ZCCHC17: variants seen among roughly 807,000 people sequenced by gnomAD.
The protein encoded by ZCCHC17 is zinc finger CCHC-type containing 17, also known as zinc finger CCHC domain-containing protein 17.
A neutral mutation model predicts 30.6 loss-of-function variants in ZCCHC17; 18 were observed. The ratio of observed to expected loss-of-function variants is 0.59; its 90% CI spans 0.41 to 0.87. The LOEUF (loss-of-function observed/expected upper bound fraction) is 0.87. Among genes scored for constraint, ZCCHC17 ranks in the 40% least tolerant of loss-of-function variants. The pLI is 0.00. For missense variants in ZCCHC17, 263 were observed against 284.2 expected (o/e 0.93, Z 0.54); for synonymous variants, 88 against 92.4 (o/e 0.95, Z 0.27).
intron 5 of ZCCHC17, among the ~76,000 whole-genome samples, chr1:31,346,400 G>C (rs1337282642): frequency 6.6e-6 from 1 of 152,124 alleles, no homozygotes; most frequent in Non-Finnish European, 1.5e-5. Context: ...TTAGCATGTT[G>C]AGTAATTATA....
At chr1:31,297,233 C>T in intron 1 of ZCCHC17, 158 bp downstream of exon 1, 1 of 399,266 alleles carries the variant, frequency 2.5e-6, no homozygotes. Context: ...AGCCTGGGCT[C>T]CCTTTCGGGG....
At chr1:31,302,972 T>C (rs1569725710) in intron 1 of ZCCHC17, among the ~76,000 whole-genome samples, 1 of 152,200 alleles carries the variant, frequency 6.6e-6, no homozygotes, top group South Asian at 2.1e-4. Flanking sequence ...TTTTGAGGTA[T>C]AGTGCTTAAG....
intron 3 of ZCCHC17, among the ~76,000 whole-genome samples, chr1:31,330,466 C>G (rs1367814492): frequency 6.6e-6 from 1 of 152,120 alleles, no homozygotes; most frequent in Non-Finnish European, 1.5e-5. Context: ...GAAGAGCTCC[C>G]TTTGGTGTAG....
chr1:31,317,389 T>A (rs936907234), intron 2 of ZCCHC17, among the ~76,000 whole-genome samples: 1 of 152,204 alleles, frequency 6.6e-6, no homozygotes, highest in African/African-American at 2.4e-5. Flanking sequence ...CTTCAGTGTC[T>A]TAGACTGTAA....
intron 3 of ZCCHC17, among the ~76,000 whole-genome samples, chr1:31,336,791 A>C (rs1638834611): frequency 6.6e-6 from 1 of 151,512 alleles, no homozygotes; most frequent in Admixed American, 6.6e-5. Flanking sequence ...CAGCCTCCTA[A>C]GTAGCTAGAG....
intron 3 of ZCCHC17, among the ~76,000 whole-genome samples, chr1:31,333,658 G>A (rs995441745): frequency 6.6e-5 from 10 of 152,098 alleles, no homozygotes; most frequent in African/African-American, 1.4e-4. Flanking sequence ...CATTTATAGC[G>A]TAAAAGAGCA....
intron 3 of ZCCHC17, among the ~76,000 whole-genome samples, chr1:31,331,860 T>G (rs1638603361): frequency 6.6e-6 from 1 of 152,130 alleles, no homozygotes; most frequent in Non-Finnish European, 1.5e-5. Context: ...TCCGCCTGCC[T>G]CAGCCTCCCA....
chr1:31,298,858 G>A (rs1048260400), intron 1 of ZCCHC17, among the ~76,000 whole-genome samples: 2 of 152,182 alleles, frequency 1.3e-5, no homozygotes, highest in African/African-American at 2.4e-5. Flanking sequence ...GGTCAGCTAA[G>A]TCAGAACCTT....
At chr1:31,335,475 A>C (rs574481756) in intron 3 of ZCCHC17, among the ~76,000 whole-genome samples, 1 of 152,178 alleles carries the variant, frequency 6.6e-6, no homozygotes, top group Non-Finnish European at 1.5e-5. Flanking sequence ...TCCTGGGCTC[A>C]AGCCATCCTC....
At position 31,363,182 on chromosome 1, in the gene ZCCHC17, CT is replaced by C. The variant is rs374893533; in HGVS notation, c.565-831del. Among the ~76,000 whole-genome samples the C allele has an allele frequency of 5.9e-3, 805 of 135,632 alleles. 1 individual carries two copies. Among genetic ancestry groups the C allele is most frequent in the African/African-American group, 0.013 (480 of 36,242 alleles). The allele number at this position is 135,632 out of a possible 152,430, so 89.0% of individuals were successfully genotyped here. A position where few individuals can be genotyped will look rare whatever the true frequency, so the allele number is the denominator to read the frequency against. On this transcript the variant is annotated intron_variant, in intron 7 of 7. Coordinates refer to ENST00000344147, the MANE Select transcript of ZCCHC17 (RefSeq NM_016505.4). Reference sequence around the variant, plus strand: ...ACTTTATTGTTTGCAATGTCTTATACTTTTTTTTTTTTTTTTTTTGAGACGG... The same window carrying C: ...ACTTTATTGTTTGCAATGTCTTATACTTTTTTTTTTTTTTTTTTGAGACGG...
intron 2 of ZCCHC17, among the ~76,000 whole-genome samples, chr1:31,316,831 G>C (rs986992164): frequency 6.6e-6 from 1 of 152,006 alleles, no homozygotes; most frequent in Non-Finnish European, 1.5e-5. Flanking sequence ...CTTTTGGTTC[G>C]TAACCCATTC....
At chr1:31,300,933 CAAA>C (rs199550009) in intron 1 of ZCCHC17, among the ~76,000 whole-genome samples, 4 of 108,040 alleles carry the variant, frequency 3.7e-5, no homozygotes, top group Non-Finnish European at 7.8e-5. Context: ...AACTCTGTCT[CAAA>C]AAAAAAAAAA....
At chr1:31,362,827 A>G (rs775001924) in intron 7 of ZCCHC17, among the ~76,000 whole-genome samples, 94 of 152,326 alleles carry the variant, frequency 6.2e-4, no homozygotes, top group Middle Eastern at 3.4e-3. Flanking sequence ...CTGCACTTTA[A>G]AAAATGAAAG....
At position 31,364,270 on chromosome 1, in the gene ZCCHC17, A is replaced by G. The variant is rs1248322007; in HGVS notation, c.*77A>G. ...GCCTTGAGACTCCTGGAAAGACTCA[A>G]TAGTGAGAATATAGCCTCCCACCCC... On this transcript the variant is annotated 3_prime_UTR_variant, in exon 8 of 8. Coordinates refer to ENST00000344147, the MANE Select transcript of ZCCHC17 (RefSeq NM_016505.4). 4.0e-6 allele frequency: 6 copies of G among 1,510,606 alleles called. No individual in the cohort carries two copies. The highest frequency in any genetic ancestry group is 1.3e-5 in the South Asian group (1 of 76,768). 93.6% of individuals were successfully genotyped at this position (1,510,606 alleles called of 1,614,324 possible). A position where few individuals can be genotyped will look rare whatever the true frequency, so the allele number is the denominator to read the frequency against.
chr1:31,324,453 A>G (rs1012684352), intron 3 of ZCCHC17, among the ~76,000 whole-genome samples: 7 of 152,160 alleles, frequency 4.6e-5, no homozygotes, highest in Admixed American at 1.3e-4. Context: ...TCATGGGTGC[A>G]GCTGCCGCCA....
intron 3 of ZCCHC17, among the ~76,000 whole-genome samples, chr1:31,328,148 G>A (rs1638431180): frequency 6.6e-6 from 1 of 152,200 alleles, no homozygotes. Context: ...TACAGCAACA[G>A]TGTGTGATAA....
chr1:31,356,872 CTG>C lies in ZCCHC17; in HGVS notation c.565-7154_565-7153del, dbSNP rs60753025. Among the ~76,000 whole-genome samples, 756 of 152,282 alleles carry C rather than the reference CTG, an allele frequency of 5.0e-3. 11 individuals are homozygous for C. Among genetic ancestry groups the C allele is most frequent in the African/African-American group, 0.017 (704 of 41,544 alleles). ...TGGGCATAATTAGAATAAAAGGAAA[CTG>C]TGTGTTGCAATTGGAAATGGGCTAT... On this transcript the variant is annotated intron_variant, in intron 7 of 7. Coordinates refer to ENST00000344147, the MANE Select transcript of ZCCHC17 (RefSeq NM_016505.4).
intron 3 of ZCCHC17, 52 bp downstream of exon 3, chr1:31,319,218 A>C (rs936228327): frequency 5.5e-6 from 8 of 1,445,806 alleles, no homozygotes; most frequent in East Asian, 4.6e-5. Flanking sequence ...CTCTGCTAAC[A>C]CTCCACCACC....
At chr1:31,348,731 AGCCAGC>A (rs1304939042) in intron 6 of ZCCHC17, 92 bp from the exon 7 acceptor site, 8 of 1,443,116 alleles carry the variant, frequency 5.5e-6, no homozygotes, top group Non-Finnish European at 7.7e-6. Flanking sequence ...ATATTTCCTG[AGCCAGC>A]TAGCCCATTT....
Sources: gnomAD v4.1 joint callset for allele counts (sites outside exome capture counted in the v4.1 genomes callset) on GRCh38, gnomAD v4.1.1 for gene constraint, MANE v1.5 for transcripts, NCBI Gene and HGNC (gene_info 2026-07-23, HGNC 2026-07-21) for gene names.